The following PARN variants were observed in gnomAD, a reference collection of about 807,000 sequenced individuals.
The protein encoded by PARN is poly(A)-specific ribonuclease.
A neutral mutation model predicts 102.8 loss-of-function variants in PARN; 71 were observed. That is an observed-to-expected ratio of 0.69 (90% CI 0.57 to 0.84). The LOEUF (loss-of-function observed/expected upper bound fraction) is 0.84. PARN is among the 40% of genes least tolerant of loss of function. The pLI is 0.00. For synonymous variants in PARN, 261 were observed against 252.9 expected (o/e 1.03, Z -0.30); for missense variants, 782 against 760.9 (o/e 1.03, Z -0.33).
chr16:14,510,492 T>C (rs943067863), intron 21 of PARN, among the ~76,000 whole-genome samples: 12 of 152,296 alleles, frequency 7.9e-5, no homozygotes, highest in African/African-American at 2.9e-4. Flanking sequence ...TATAGGACTT[T>C]GTAAAAATTT....
chr16:14,607,986 G>C (rs1971299896), intron 9 of PARN: 4 of 357,000 alleles, frequency 1.1e-5, no homozygotes, highest in East Asian at 5.5e-5. Context: ...GTATTTCCTA[G>C]GTCTGAAAAC....
intron 12 of PARN, among the ~76,000 whole-genome samples, chr16:14,599,408 T>C (rs903308206): frequency 7.2e-5 from 11 of 152,186 alleles, no homozygotes; most frequent in Non-Finnish European, 1.6e-4. Flanking sequence ...TAGAGTCCCC[T>C]AGCACATTTA....
At chr16:14,452,443 G>C (rs1025726906) in intron 22 of PARN, among the ~76,000 whole-genome samples, 4 of 152,170 alleles carry the variant, frequency 2.6e-5, no homozygotes, top group African/African-American at 9.7e-5. Flanking sequence ...TGTGATCTTG[G>C]TACACTGTAA....
intron 21 of PARN, among the ~76,000 whole-genome samples, chr16:14,498,809 C>T (rs2151621473): frequency 6.6e-6 from 1 of 152,310 alleles, no homozygotes; most frequent in Admixed American, 6.5e-5. Context: ...TTACACTTCT[C>T]CAAAAGGGAA....
intron 12 of PARN, 65 bp from the exon 13 acceptor site, chr16:14,593,443 T>C (rs1449790957): frequency 1.3e-5 from 9 of 714,342 alleles, no homozygotes; most frequent in Non-Finnish European, 2.2e-5. Flanking sequence ...TTTCAGAATG[T>C]ATAGTTCAGA....
At chr16:14,577,739 C>T (rs1329087508) in intron 18 of PARN, among the ~76,000 whole-genome samples, 2 of 152,014 alleles carry the variant, frequency 1.3e-5, no homozygotes, top group Non-Finnish European at 2.9e-5. Flanking sequence ...GCAATCTCGG[C>T]TCACTGCAAC....
intron 5 of PARN, among the ~76,000 whole-genome samples, chr16:14,624,148 C>A (rs1596916697): frequency 1.3e-5 from 2 of 152,182 alleles, no homozygotes; most frequent in Non-Finnish European, 2.9e-5. Context: ...TTTTAAAGAA[C>A]ATATTAAATT....
intron 22 of PARN, among the ~76,000 whole-genome samples, chr16:14,448,486 C>T (rs560736633): frequency 6.6e-6 from 1 of 152,104 alleles, no homozygotes; most frequent in Non-Finnish European, 1.5e-5. Flanking sequence ...TGAGGTTTCA[C>T]CATGTTGGCC....
chr16:14,629,484 GCTA>G, intron 2 of PARN, 110 bp downstream of exon 2: 2 of 776,514 alleles, frequency 2.6e-6, no homozygotes, highest in South Asian at 2.9e-5. Flanking sequence ...CCCGCCCAAG[GCTA>G]CTAACAGCAA....
At chr16:14,550,499 G>C (rs1967227438) in intron 21 of PARN, among the ~76,000 whole-genome samples, 1 of 152,128 alleles carries the variant, frequency 6.6e-6, no homozygotes, top group African/African-American at 2.4e-5. Flanking sequence ...AGTTCATCAA[G>C]GTTAAATAAG....
chr16:14,512,380 G>C (rs1251350333), intron 21 of PARN, among the ~76,000 whole-genome samples: 3 of 152,210 alleles, frequency 2.0e-5, no homozygotes, highest in Non-Finnish European at 4.4e-5. Context: ...GTGCACGCCT[G>C]TAGTCCCGAG....
At chr16:14,485,998 G>A (rs987391818) in intron 21 of PARN, among the ~76,000 whole-genome samples, 16 of 152,162 alleles carry the variant, frequency 1.1e-4, no homozygotes, top group African/African-American at 3.4e-4. Flanking sequence ...TGGCTATTGC[G>A]TTCTTTAATC....
chr16:14,510,008 A>T (rs2151636284), intron 21 of PARN, among the ~76,000 whole-genome samples: 1 of 152,196 alleles, frequency 6.6e-6, no homozygotes, highest in East Asian at 1.9e-4. Context: ...GAGCAAACAA[A>T]CAAAAACACC....
chr16:14,532,642 C>T, intron 21 of PARN, among the ~76,000 whole-genome samples: 1 of 152,074 alleles, frequency 6.6e-6, no homozygotes, highest in Non-Finnish European at 1.5e-5. Flanking sequence ...TCCACAAAAC[C>T]GCCATTGTCA....
intron 10 of PARN, 72 bp downstream of exon 10, chr16:14,606,409 GAAA>G (rs1040649261): frequency 2.8e-5 from 17 of 611,766 alleles, no homozygotes; most frequent in Admixed American, 4.0e-5. Flanking sequence ...AAAAAAAAAA[GAAA>G]AAAAAAAGAA....
At chr16:14,456,825 C>A (rs1331011189) in intron 22 of PARN, among the ~76,000 whole-genome samples, 1 of 152,214 alleles carries the variant, frequency 6.6e-6, no homozygotes, top group African/African-American at 2.4e-5. Flanking sequence ...CCCGCACCAT[C>A]CCCACGGAGG....
chr16:14,583,707 A>T (rs1381360271), intron 16 of PARN, among the ~76,000 whole-genome samples: 1 of 152,170 alleles, frequency 6.6e-6, no homozygotes, highest in African/African-American at 2.4e-5. Context: ...TGTCTTTAGA[A>T]GTTTTCAGGC....
intron 13 of PARN, 59 bp downstream of exon 13, chr16:14,593,242 T>C: frequency 1.1e-6 from 1 of 910,228 alleles, no homozygotes; most frequent in South Asian, 1.4e-5. Context: ...ATCATAATAA[T>C]ATTTTTTCAG....
chr16:14,511,577 A>T (rs1965191593), intron 21 of PARN, among the ~76,000 whole-genome samples: 1 of 152,212 alleles, frequency 6.6e-6, no homozygotes, highest in African/African-American at 2.4e-5. Flanking sequence ...TCATGACAAA[A>T]ATATGAGACT....
Sources: gnomAD v4.1 joint callset for allele counts (sites outside exome capture counted in the v4.1 genomes callset) on GRCh38, gnomAD v4.1.1 for gene constraint, MANE v1.5 for transcripts, NCBI Gene and HGNC (gene_info 2026-07-23, HGNC 2026-07-21) for gene names.